Variants in KIF1A observed in about 807,000 individuals in gnomAD.
KIF1A encodes kinesin-like protein KIF1A.
In KIF1A, 46 loss-of-function variants were observed where a neutral mutation model predicts 227.3. The ratio of observed to expected loss-of-function variants is 0.20; its 90% CI spans 0.16 to 0.26. The LOEUF (loss-of-function observed/expected upper bound fraction) is 0.26. Among genes scored for constraint, KIF1A ranks in the 10% least tolerant of loss-of-function variants. The pLI, the probability that KIF1A is intolerant of heterozygous loss-of-function variation, is 1.00. For synonymous variants in KIF1A, 1,022 were observed against 1,012.8 expected (o/e 1.01, Z -0.17); for missense variants, 1,683 against 2,485.9 (o/e 0.68, Z 6.87).
rs759484520 is a variant in KIF1A, at chr2:240,789,213, C to T, written c.183+23G>A. On this transcript the variant is annotated intron_variant, in intron 3 of 48. Transcript: ENST00000498729. The surrounding 1 kb of genome is among the most constrained non-coding windows in gnomAD (Gnocchi z 4.8). ...CCTATGCACTGCTGCCCCCGCCTCC[C>T]CCGACCCGGGGTCCCGGCTTACTGA... 2 of 1,605,996 alleles carry T rather than the reference C, an allele frequency of 1.2e-6. No individual in the cohort carries two copies. The highest frequency in any genetic ancestry group is 1.7e-5 in the Admixed American group (1 of 59,992).
At chr2:240,770,016 G>A (rs539008608) in intron 15 of KIF1A, among the ~76,000 whole-genome samples, 1 of 152,302 alleles carries the variant, frequency 6.6e-6, no homozygotes, top group African/African-American at 2.4e-5. Context: ...AGGCCCAGGT[G>A]CTCAGCCCTC....
chr2:240,792,824 G>C lies in KIF1A; in HGVS notation c.107-3512C>G, dbSNP rs985170828. ...TGGGATGAGTGGCTTTAAAGGAGGG[G>C]AAGGGACCCGAGCTCCCTGGGCCAG... On this transcript the variant is annotated intron_variant, in intron 2 of 48. Transcript: ENST00000498729. The surrounding 1 kb of genome is among the most constrained non-coding windows in gnomAD (Gnocchi z 4.5). Among the ~76,000 whole-genome samples the C allele has an allele frequency of 9.9e-5, 15 of 152,162 alleles. No individual in the cohort carries two copies. The highest frequency in any genetic ancestry group is 4.6e-4 in the Admixed American group (7 of 15,282).
chr2:240,803,940 G>A (rs537286503), intron 1 of KIF1A, among the ~76,000 whole-genome samples: 34 of 152,290 alleles, frequency 2.2e-4, no homozygotes, highest in Admixed American at 1.8e-3. Context: ...TGATATATGT[G>A]AAATCAAAAA....
At chr2:240,795,103 G>T (rs957499521) in intron 2 of KIF1A, among the ~76,000 whole-genome samples, 2 of 152,140 alleles carry the variant, frequency 1.3e-5, no homozygotes, top group African/African-American at 2.4e-5. Context: ...TTGGTGTCTT[G>T]CATATGTTCA....
chr2:240,721,234 C>T (rs1200937296), intron 44 of KIF1A, among the ~76,000 whole-genome samples, 196 bp from the exon 45 acceptor site: 2 of 152,222 alleles, frequency 1.3e-5, no homozygotes, highest in African/African-American at 2.4e-5. Flanking sequence ...CTGGCCGGCC[C>T]CTCCCATCAC....
chr2:240,742,240 C>T (rs928764861), intron 34 of KIF1A, among the ~76,000 whole-genome samples: 1 of 152,158 alleles, frequency 6.6e-6, no homozygotes, highest in Non-Finnish European at 1.5e-5. Flanking sequence ...GTGCCTCCAC[C>T]CACCAGCTGC....
At chr2:240,797,166 C>T (rs565597367) in intron 2 of KIF1A, among the ~76,000 whole-genome samples, 12 of 152,324 alleles carry the variant, frequency 7.9e-5, no homozygotes, top group African/African-American at 2.2e-4. Flanking sequence ...GATACTGATA[C>T]GGTTTGGATA....
intron 38 of KIF1A, among the ~76,000 whole-genome samples, chr2:240,734,078 C>T (rs901272981): frequency 2.4e-4 from 37 of 152,222 alleles, no homozygotes; most frequent in Admixed American, 2.3e-3. Context: ...ATTCACCACC[C>T]GCCACTTCCA....
In KIF1A at chr2:240,737,408, C is replaced by T. The variant is rs982036638; in HGVS notation, c.3902-240G>A. On this transcript the variant is annotated intron_variant, in intron 37 of 48. Coordinates refer to ENST00000498729, the MANE Select transcript of KIF1A (RefSeq NM_001244008.2). The stretch of plus-strand genomic sequence containing the variant: ...GTCTCTCGGCCACAGTGAACACCCC[C>T]GTATACACACACTGACAAATGCAGG... 28 of 395,666 alleles carry T rather than the reference C, an allele frequency of 7.1e-5. 1 individual carries two copies. The highest frequency in any genetic ancestry group is 3.2e-4 in the Admixed American group (9 of 28,556). The allele number at this position is 395,666 out of a possible 1,614,324, so 24.5% of individuals were successfully genotyped here.
rs779790393 is a variant in KIF1A at position 240,774,267 on chromosome 2, GGAA to G, written c.959-9_959-7del. On this transcript the variant is annotated splice_region_variant and splice_polypyrimidine_tract_variant and intron_variant, in intron 11 of 48. Transcript: ENST00000498729. ...AGCTGTCCTTGAGTTACCGCCTGTG[GGAA>G]GAAGACCAGGTTGTGCCCAGAGGGG... 8.7e-6 allele frequency: 14 copies of G among 1,605,550 alleles called. No individual in the cohort carries two copies. The highest frequency in any genetic ancestry group is 1.7e-4 in the Middle Eastern group (1 of 6,028).
At chr2:240,719,751 C>T in intron 46 of KIF1A, 23 bp downstream of exon 46, 1 of 1,529,312 alleles carries the variant, frequency 6.5e-7, no homozygotes, top group Non-Finnish European at 8.8e-7. Flanking sequence ...GGTGGCGGTG[C>T]TTTCCAGGGA....
intron 10 of KIF1A, among the ~76,000 whole-genome samples, chr2:240,781,525 T>A (rs1027380898): frequency 7.0e-6 from 1 of 143,188 alleles, no homozygotes; most frequent in Non-Finnish European, 1.5e-5. Flanking sequence ...ACACAGCTCC[T>A]CACAGTCCCG....
intron 10 of KIF1A, among the ~76,000 whole-genome samples, 170 bp downstream of exon 10, chr2:240,782,420 C>G (rs1367365730): frequency 6.6e-6 from 1 of 152,168 alleles, no homozygotes; most frequent in East Asian, 1.9e-4. Context: ...GCACAGGCAC[C>G]GCACGGGGCC....
rs562596341 is a variant in KIF1A at position 240,719,311 on chromosome 2, G to A, written c.5022-113C>T. ...CGCAGCAGTGCCAACCACCTCCCCAGCCAGAAAGTGGGTCGAGGCATCGAA... is the reference window on the plus strand; with the variant it reads ...CGCAGCAGTGCCAACCACCTCCCCAACCAGAAAGTGGGTCGAGGCATCGAA... On this transcript the variant is annotated intron_variant, in intron 46 of 48. Transcript: ENST00000498729. 263 of 1,234,720 alleles carry A rather than the reference G, an allele frequency of 2.1e-4. No homozygotes were observed. The African/African-American group carries it at 3.9e-3, about 18-fold the overall frequency. 76.5% of individuals were successfully genotyped at this position (1,234,720 alleles called of 1,614,324 possible). A position where few individuals can be genotyped will look rare whatever the true frequency, so the allele number is the denominator to read the frequency against.
rs1409707032 is a variant in KIF1A at position 240,788,141 on chromosome 2, C to T, written c.273G>A (p.Val91=). ...MLQHAFEGYN[V]CIFAYGQTGA... ...CCGTCTGCCCATAGGCGAAGATGCA[C>T]ACGTTGTATCCCTCAAAGGCATGCT... The change falls in exon 4 of 49, where the codon GTG becomes GTA. Residue 91 remains valine, a synonymous_variant. Transcript: ENST00000498729. This position sits in a 1 kb window ranked among gnomAD's most constrained non-coding sequence, Gnocchi z 6.6. The T allele has an allele frequency of 6.2e-7, 1 of 1,613,282 alleles. No homozygotes were observed. Among genetic ancestry groups the T allele is most frequent in the Admixed American group, 1.7e-5 (1 of 59,946 alleles).
At position 240,813,910 on chromosome 2, in the gene KIF1A, G is replaced by A. The variant is rs148605743; in HGVS notation, c.-61+6212C>T. Among the ~76,000 whole-genome samples the A allele has an allele frequency of 8.4e-3, 1,281 of 152,272 alleles. 14 individuals carry two copies. Among genetic ancestry groups the A allele is most frequent in the African/African-American group, 0.024 (1,011 of 41,548 alleles). ...GAGCACAACCTCTGTCCACGCACCC[G>A]GGAGATTCAAGAAGATGCTCATTTT... On this transcript the variant is annotated intron_variant, in intron 1 of 48. Coordinates refer to ENST00000498729, the MANE Select transcript of KIF1A (RefSeq NM_001244008.2).
rs1321890221 is a variant in KIF1A at position 240,736,687 on chromosome 2, C to A, written c.4007+376G>T. The stretch of plus-strand genomic sequence containing the variant: ...CTGCTCCACCTCTAGCCCCAGGATG[C>A]CTGCCAGAGGCCACTGACTCATCCA... On this transcript the variant is annotated intron_variant, in intron 38 of 48. Coordinates refer to ENST00000498729, the MANE Select transcript of KIF1A (RefSeq NM_001244008.2). The surrounding 1 kb of genome is among the most constrained non-coding windows in gnomAD (Gnocchi z 4.7). Among the ~76,000 whole-genome samples, 4 of 152,222 alleles carry A rather than the reference C, an allele frequency of 2.6e-5. No homozygotes were observed. The South Asian group carries it at 6.2e-4, about 24-fold the overall frequency.
chr2:240,799,136 G>A (rs1019978411), intron 1 of KIF1A, among the ~76,000 whole-genome samples: 3 of 152,354 alleles, frequency 2.0e-5, no homozygotes, highest in Non-Finnish European at 4.4e-5. Flanking sequence ...CCAGGATCAA[G>A]AGCAGGAAGG....
In KIF1A at chr2:240,745,453, G is replaced by C; in HGVS notation, c.3439C>G (p.Pro1147Ala). The C allele has an allele frequency of 6.2e-7, 1 of 1,613,698 alleles. No homozygotes were observed. Among genetic ancestry groups the C allele is most frequent in the African/African-American group, 1.3e-5 (1 of 75,036 alleles). ...EPLKNTGRGPPLGFYHVQNIA... is the reference protein window; with the variant it reads ...EPLKNTGRGPALGFYHVQNIA... Reference sequence around the variant, plus strand: ...TTCTGGACGTGGTAGAAGCCAAGTGGGGGGCCTCTGCCTGTGTTCTTCAGG... The same window carrying C: ...TTCTGGACGTGGTAGAAGCCAAGTGCGGGGCCTCTGCCTGTGTTCTTCAGG... The change falls in exon 32 of 49, where the codon CCA becomes GCA. Residue 1147 changes from proline to alanine, a missense_variant. Pro to Ala is a conservative substitution (Grantham distance 27). Transcript: ENST00000498729.
Sources: allele counts gnomAD v4.1 joint callset (sites outside exome capture counted in the v4.1 genomes callset), GRCh38; gene constraint gnomAD v4.1.1; non-coding constraint Gnocchi (gnomAD v3.1); transcripts MANE v1.5; gene names NCBI Gene and HGNC (gene_info 2026-07-23, HGNC 2026-07-21).